MPV17L: variants seen among roughly 807,000 people sequenced by gnomAD.
MPV17L encodes the protein mpv17-like protein.
A neutral mutation model predicts 25.8 loss-of-function variants in MPV17L; 24 were observed. The ratio of observed to expected loss-of-function variants is 0.93; its 90% CI spans 0.67 to 1.31. The LOEUF (loss-of-function observed/expected upper bound fraction) is 1.31. Ranked by LOEUF, MPV17L falls within the 50% of genes most tolerant of loss-of-function variation. The probability of loss-of-function intolerance (pLI) is 0.00; values close to 1 mark genes in which losing one functional copy is unlikely to be tolerated. For missense variants in MPV17L, 250 were observed against 265.6 expected (o/e 0.94, Z 0.41); for synonymous variants, 102 against 115.3 (o/e 0.88, Z 0.74).
chr16:15,400,830 G>C lies in MPV17L; in HGVS notation c.354G>C (p.Leu118=), dbSNP rs368912594. 4 of 1,603,328 alleles carry C rather than the reference G, an allele frequency of 2.5e-6. No individual in the cohort carries two copies. In the African/African-American group the frequency reaches 5.4e-5, roughly 22 times the overall value. Residue 118 remains leucine, a synonymous_variant, in exon 2 of 4, where the codon CTG becomes CTC. Transcript: ENST00000396385. The part of the protein sequence containing the change: ...LQGKDDIFLD[L]KQKFWNTYLS... ...GAAAGGATGACATATTTTTGGACCT[G>C]AAACAGAAATTCTGGAATACCTATC...
intron 2 of MPV17L, among the ~76,000 whole-genome samples, chr16:15,402,298 G>C (rs1195825573): frequency 7.2e-5 from 11 of 152,166 alleles, no homozygotes; most frequent in Non-Finnish European, 1.6e-4. Context: ...CTCTGCCCTA[G>C]AGCATGTTTG....
At position 15,412,829 on chromosome 16, in the gene MPV17L, C is replaced by T. The variant is rs1489012085; in HGVS notation, c.*4717C>T. The T allele has an allele frequency of 6.6e-6, 1 of 151,920 alleles. No homozygotes were observed. The highest frequency in any genetic ancestry group is 2.4e-5 in the African/African-American group (1 of 41,344). The allele number at this position is 151,920 out of a possible 1,614,324, so 9.4% of individuals were successfully genotyped here. A position where few individuals can be genotyped will look rare whatever the true frequency, so the allele number is the denominator to read the frequency against. The stretch of plus-strand genomic sequence containing the variant: ...CCTCCTGACCTCGTGATCTGCCTGC[C>T]TCTGCCTCCCAGAGTGCTGGGATTA... On this transcript the variant is annotated 3_prime_UTR_variant, in exon 4 of 4. Transcript: ENST00000396385.
In MPV17L at chr16:15,395,871, C is replaced by T. The variant is rs1168894029; in HGVS notation, c.-27C>T. 9 of 1,382,218 alleles carry T rather than the reference C, an allele frequency of 6.5e-6. No individual in the cohort carries two copies. Among genetic ancestry groups the T allele is most frequent in the Non-Finnish European group, 8.3e-6 (9 of 1,079,972 alleles). 85.6% of individuals were successfully genotyped at this position (1,382,218 alleles called of 1,614,324 possible). A position where few individuals can be genotyped will look rare whatever the true frequency, so the allele number is the denominator to read the frequency against. The stretch of plus-strand genomic sequence containing the variant: ...AGGAAGACGCCGACCACGCGGGCTC[C>T]TGATCGCGGGCGCCCACAGCGCGGA... On this transcript the variant is annotated 5_prime_UTR_variant, in exon 1 of 4. Transcript: ENST00000396385.
At position 15,396,150 on chromosome 16, in the gene MPV17L, A is replaced by C; in HGVS notation, c.253A>C (p.Lys85Gln). Reference protein sequence around the residue: ...PGRAPHALLAKLLCDQVVGAP... With the variant: ...PGRAPHALLAQLLCDQVVGAP... ...CCGAGCGCCGCACGCCCTGCTGGCCAAGTTGCTGTGCGACCAGGTGGTCGG... is the reference window on the plus strand; with the variant it reads ...CCGAGCGCCGCACGCCCTGCTGGCCCAGTTGCTGTGCGACCAGGTGGTCGG... The change falls in exon 1 of 4, where the codon AAG becomes CAG. Residue 85 changes from lysine to glutamine, a missense_variant. Coordinates refer to ENST00000396385, the MANE Select transcript of MPV17L (RefSeq NM_001128423.2). 6.5e-7 allele frequency: 1 copy of C among 1,549,748 alleles called. No individual in the cohort carries two copies. Among genetic ancestry groups the C allele is most frequent in the Middle Eastern group, 1.7e-4 (1 of 5,936 alleles).
chr16:15,401,533 T>A (rs1234425801), intron 2 of MPV17L, among the ~76,000 whole-genome samples: 1 of 152,046 alleles, frequency 6.6e-6, no homozygotes, highest in Non-Finnish European at 1.5e-5. Flanking sequence ...AGAAATAATG[T>A]CTCTGGGCCC....
chr16:15,399,387 C>T lies in MPV17L; in HGVS notation c.311-1400C>T, dbSNP rs747964141. 4.4e-6 allele frequency: 2 copies of T among 454,248 alleles called. 1 individual carries two copies. The highest frequency in any genetic ancestry group is 3.1e-5 in the South Asian group (2 of 64,316). The allele number at this position is 454,248 out of a possible 1,614,324, so 28.1% of individuals were successfully genotyped here. On this transcript the variant is annotated intron_variant, in intron 1 of 3. Transcript: ENST00000396385. ...AAAATAGGAGAGCTTTGCCTTGCTA[C>T]CTGAATTTATTGTTACTTTTTTCCT...
intron 1 of MPV17L, among the ~76,000 whole-genome samples, chr16:15,398,734 C>T (rs1454547055): frequency 1.3e-5 from 2 of 151,926 alleles, no homozygotes; most frequent in Non-Finnish European, 2.9e-5. Context: ...GCTGGGATTA[C>T]AGGTGCCCGC....
chr16:15,400,905 T>G, intron 2 of MPV17L, 48 bp downstream of exon 2: 3 of 1,127,706 alleles, frequency 2.7e-6, no homozygotes, highest in Non-Finnish European at 3.6e-6. Flanking sequence ...TGTGTATATA[T>G]GTATATATAT....
rs1325969395 is a variant in MPV17L at position 15,396,125 on chromosome 16, C to A, written c.228C>A (p.Gly76=). 14 of 1,546,650 alleles carry A rather than the reference C, an allele frequency of 9.1e-6. No individual in the cohort carries two copies. Among genetic ancestry groups the A allele is most frequent in the Non-Finnish European group, 1.1e-5 (13 of 1,146,766 alleles). ...WLRLLERALP[G]RAPHALLAKL... ...GCCTGCTGGAGCGCGCGCTCCCGGG[C>A]CGAGCGCCGCACGCCCTGCTGGCCA... Residue 76 remains glycine, a synonymous_variant, in exon 1 of 4, where the codon GGC becomes GGA. Coordinates refer to ENST00000396385, the MANE Select transcript of MPV17L (RefSeq NM_001128423.2).
Position 15,411,056 on chromosome 16 carries a change from C to T in MPV17L, c.*2944C>T, listed in dbSNP as rs1038823185. The T allele has an allele frequency of 1.1e-4, 17 of 152,254 alleles. No individual in the cohort carries two copies. Among genetic ancestry groups the T allele is most frequent in the African/African-American group, 1.7e-4 (7 of 41,534 alleles). 9.4% of individuals were successfully genotyped at this position (152,254 alleles called of 1,614,324 possible). On this transcript the variant is annotated 3_prime_UTR_variant, in exon 4 of 4. Transcript: ENST00000396385. ...GACCATCCTGGCTAACATGGTGAAA[C>T]GCCATCTCTACTAAAAATACAAAAA... is the stretch of plus-strand genomic sequence containing the variant.
chr16:15,407,529 G>A lies in MPV17L; in HGVS notation c.382-295G>A, dbSNP rs554916773. Among the ~76,000 whole-genome samples, 15 of 152,104 alleles carry A rather than the reference G, an allele frequency of 9.9e-5. No individual in the cohort carries two copies. The South Asian group carries it at 2.9e-3, about 29-fold the overall frequency. Reference sequence around the variant, plus strand: ...ATGCCGAGGTGGTGGATCACCTGAGGTCGGGAGTTCGAGACCAGCCTGGCC... The same window carrying A: ...ATGCCGAGGTGGTGGATCACCTGAGATCGGGAGTTCGAGACCAGCCTGGCC... On this transcript the variant is annotated intron_variant, in intron 2 of 3. Transcript: ENST00000396385.
chr16:15,406,068 A>G (rs2150907557), intron 2 of MPV17L, among the ~76,000 whole-genome samples: 1 of 152,014 alleles, frequency 6.6e-6, no homozygotes, highest in Non-Finnish European at 1.5e-5. Flanking sequence ...GTGCACCTGT[A>G]ATCCCAGCTA....
rs372184512 is a variant in MPV17L at position 15,410,453 on chromosome 16, A to G, written c.*2341A>G. 5.9e-3 allele frequency: 892 copies of G among 152,412 alleles called. 5 individuals carry two copies. Among genetic ancestry groups the G allele is most frequent in the Non-Finnish European group, 9.4e-3 (640 of 68,134 alleles). 9.4% of individuals were successfully genotyped at this position (152,412 alleles called of 1,614,324 possible). A position where few individuals can be genotyped will look rare whatever the true frequency, so the allele number is the denominator to read the frequency against. On this transcript the variant is annotated 3_prime_UTR_variant, in exon 4 of 4. Coordinates refer to ENST00000396385, the MANE Select transcript of MPV17L (RefSeq NM_001128423.2). ...GTAGTCCCAGCTACTCGGGAGGCTGAGGCAGACGAATGGCATGAACCCGGG... is the reference window on the plus strand; with the variant it reads ...GTAGTCCCAGCTACTCGGGAGGCTGGGGCAGACGAATGGCATGAACCCGGG...
intron 2 of MPV17L, among the ~76,000 whole-genome samples, chr16:15,403,685 A>G (rs562331486): frequency 1.8e-4 from 27 of 151,800 alleles, no homozygotes; most frequent in South Asian, 6.3e-4. Context: ...AAAAAAAAAA[A>G]AGAGAGCAGG....
At position 15,407,840 on chromosome 16, in the gene MPV17L, G is replaced by A; in HGVS notation, c.398G>A (p.Trp133Ter). The change falls in exon 3 of 4, where the codon TGG (tryptophan) becomes TAG (stop). Residue 133 changes from tryptophan to a stop codon, truncating the protein, a stop_gained. Coordinates refer to ENST00000396385, the MANE Select transcript of MPV17L (RefSeq NM_001128423.2). LOFTEE classifies it high-confidence loss of function. ...WNTYLSGLMY[W>*]PFVQLTNFSL... is the part of the protein sequence containing the mutation. ...CAATTCCAGAGTGGACTGATGTACT[G>A]GCCCTTTGTACAGGTAAGTTCCACC... 1 of 1,612,266 alleles carries A rather than the reference G, an allele frequency of 6.2e-7. No homozygotes were observed. The highest frequency in any genetic ancestry group is 8.5e-7 in the Non-Finnish European group (1 of 1,179,554).
In MPV17L at chr16:15,401,058, G is replaced by GTATATATA. The variant is rs548012835; in HGVS notation, c.381+223_381+230dup. Among the ~76,000 whole-genome samples, 75 of 44,238 alleles carry GTATATATA rather than the reference G, an allele frequency of 1.7e-3. 2 individuals are homozygous for GTATATATA. Among genetic ancestry groups the GTATATATA allele is most frequent in the African/African-American group, 3.2e-3 (31 of 9,656 alleles). The allele number at this position is 44,238 out of a possible 152,430, so 29.0% of individuals were successfully genotyped here. A position where few individuals can be genotyped will look rare whatever the true frequency, so the allele number is the denominator to read the frequency against. On this transcript the variant is annotated intron_variant, in intron 2 of 3. Coordinates refer to ENST00000396385, the MANE Select transcript of MPV17L (RefSeq NM_001128423.2). ...TCAGGATTTTTTTGTATGTGTGTGT[G>GTATATATA]TATATATATATATATATATATATAT...
rs1188062934 is a variant in MPV17L, at chr16:15,395,948, GC to G, written c.54del (p.Thr19ProfsTer38). The G allele has an allele frequency of 6.7e-7, 1 of 1,490,984 alleles. No individual in the cohort carries two copies. The highest frequency in any genetic ancestry group is 2.8e-5 in the East Asian group (1 of 35,392). The allele number at this position is 1,490,984 out of a possible 1,614,324, so 92.4% of individuals were successfully genotyped here. ...CGCGCGCGGCCCGGCGCCACCCGTG[GC>G]CCACCAACGTGCTGCTTTACGGCTC... ...LSRAARRHPWPTNVLLYGSLV... is the reference protein window; with the variant it reads ...LSRAARRHPWXTNVLLYGSLV... On this transcript the variant is annotated frameshift_variant, in exon 1 of 4. Coordinates refer to ENST00000396385, the MANE Select transcript of MPV17L (RefSeq NM_001128423.2). LOFTEE classifies it high-confidence loss of function.
chr16:15,409,630 T>G lies in MPV17L; in HGVS notation c.*1518T>G, dbSNP rs1273870249. The G allele has an allele frequency of 7.1e-6, 1 of 141,772 alleles. No homozygotes were observed. Among genetic ancestry groups the G allele is most frequent in the East Asian group, 2.1e-4 (1 of 4,674 alleles). 8.8% of individuals were successfully genotyped at this position (141,772 alleles called of 1,614,324 possible). On this transcript the variant is annotated 3_prime_UTR_variant, in exon 4 of 4. Transcript: ENST00000396385. ...TAATCCACCACCCTTTGCTGACTCCTTTTTTGGACTCAGCCCGCCTGCACT... is the reference window on the plus strand; with the variant it reads ...TAATCCACCACCCTTTGCTGACTCCGTTTTTGGACTCAGCCCGCCTGCACT...
chr16:15,400,249 AT>A (rs1327749606), intron 1 of MPV17L, among the ~76,000 whole-genome samples: 1 of 152,178 alleles, frequency 6.6e-6, no homozygotes, highest in African/African-American at 2.4e-5. Flanking sequence ...TTTTGAAAAA[AT>A]AATCGTTCTG....
Sources: gnomAD v4.1 joint callset for allele counts (sites outside exome capture counted in the v4.1 genomes callset) on GRCh38, gnomAD v4.1.1 for gene constraint, MANE v1.5 for transcripts, NCBI Gene and HGNC (gene_info 2026-07-23, HGNC 2026-07-21) for gene names.